Variants in ETV5 observed in about 807,000 individuals in gnomAD.
ETV5 encodes the protein ETS variant transcription factor 5.
ETV5 carries 10 observed loss-of-function variants against 70.0 expected under a neutral mutation model. The observed-to-expected ratio is 0.14, with a 90% CI of 0.09 to 0.24. The LOEUF is 0.24. Ranked by LOEUF, ETV5 falls within the 10% of genes least tolerant of loss-of-function variation. The pLI is 1.00. For missense variants in ETV5, 453 were observed against 651.2 expected, an observed-to-expected ratio of 0.70 and a Z score of 3.31; for synonymous variants, 216 against 242.2, an observed-to-expected ratio of 0.89 and a Z score of 1.01.
intron 5 of ETV5, among the ~76,000 whole-genome samples, chr3:186,091,566 T>A (rs542613275): frequency 2.0e-5 from 3 of 152,268 alleles, no homozygotes; most frequent in South Asian, 2.1e-4. Flanking sequence ...CTGGAACACT[T>A]GGCTTCAGGA....
rs1207846136 is a variant in ETV5 at position 186,052,349 on chromosome 3, G to T, written c.1210-218C>A. 6.6e-6 allele frequency among the ~76,000 whole-genome samples: 1 copy of T among 152,208 alleles called. No individual in the cohort carries two copies. The highest frequency in any genetic ancestry group is 2.4e-5 in the African/African-American group (1 of 41,454). On this transcript the variant is annotated intron_variant, in intron 11 of 12. Coordinates refer to ENST00000306376, the MANE Select transcript of ETV5 (RefSeq NM_004454.3). The surrounding 1 kb of genome is among the most constrained non-coding windows in gnomAD (Gnocchi z 4.5). ...TAGGAGGTGAGACCTAGAGATGGAA[G>T]AATCCTAGCACTTTAAGATTGCAGA...
chr3:186,063,952 C>A (rs1387053179), intron 9 of ETV5, among the ~76,000 whole-genome samples: 3 of 152,168 alleles, frequency 2.0e-5, no homozygotes, highest in Non-Finnish European at 4.4e-5. Flanking sequence ...TCTAAGACAT[C>A]CTTGGACCCT....
chr3:186,086,201 G>GT (rs1312419099), intron 5 of ETV5, among the ~76,000 whole-genome samples: 5 of 152,206 alleles, frequency 3.3e-5, no homozygotes, highest in African/African-American at 4.8e-5. Flanking sequence ...CTGATAAGAT[G>GT]TAATTAAGTC....
chr3:186,068,476 C>T (rs1713507721), intron 7 of ETV5, among the ~76,000 whole-genome samples: 1 of 150,060 alleles, frequency 6.7e-6, no homozygotes, highest in South Asian at 2.1e-4. Flanking sequence ...AATAAATATG[C>T]ACTGTTTTTT....
rs1713842013 is a variant in ETV5 at position 186,078,113 on chromosome 3, C to T, written c.650+1704G>A. 4 of 1,051,620 alleles carry T rather than the reference C, an allele frequency of 3.8e-6. No homozygotes were observed. In the South Asian group the frequency reaches 1.8e-4, roughly 48 times the overall value. 65.1% of individuals were successfully genotyped at this position (1,051,620 alleles called of 1,614,324 possible). On this transcript the variant is annotated intron_variant, in intron 7 of 12. Coordinates refer to ENST00000306376, the MANE Select transcript of ETV5 (RefSeq NM_004454.3). Reference sequence around the variant, plus strand: ...GGGTGGACTGGAGACAGGCTTATTTCACAGCTGAGACTGGGGCTACCCATC... The same window carrying T: ...GGGTGGACTGGAGACAGGCTTATTTTACAGCTGAGACTGGGGCTACCCATC...
At chr3:186,078,412 G>A (rs1463798102) in intron 7 of ETV5, among the ~76,000 whole-genome samples, 1 of 152,010 alleles carries the variant, frequency 6.6e-6, no homozygotes, top group Non-Finnish European at 1.5e-5. Flanking sequence ...AAAAACCATT[G>A]AAATAAAAAT....
intron 7 of ETV5, chr3:186,076,169 G>T (rs1713782061): frequency 4.4e-6 from 1 of 226,860 alleles, no homozygotes; most frequent in African/African-American, 2.2e-5. Context: ...TCCTTGTGGG[G>T]AGGAAATCAC....
In ETV5 at chr3:186,048,783, C is replaced by G. The variant is rs962576898; in HGVS notation, c.1389G>C (p.Gln463His). Reference protein sequence around the residue: ...ALFSMAFPDNQRPFLKAESEC... With the variant: ...ALFSMAFPDNHRPFLKAESEC... The stretch of plus-strand genomic sequence containing the variant: ...CGGACTCTGCCTTCAGGAACGGACG[C>G]TGGTTATCCGGGAAAGCCATGGAGA... Residue 463 changes from glutamine to histidine, a missense_variant, in exon 13 of 13, where the codon CAG becomes CAC. This residue lies in a region of ETV5 where 74 missense variants were observed against 95.2 expected (regional missense o/e 0.78). Coordinates refer to ENST00000306376, the MANE Select transcript of ETV5 (RefSeq NM_004454.3). The G allele has an allele frequency of 6.2e-7, 1 of 1,614,004 alleles. No homozygotes were observed. The highest frequency in any genetic ancestry group is 1.3e-5 in the African/African-American group (1 of 74,898).
In ETV5 at chr3:186,105,483, A is replaced by G; in HGVS notation, c.147T>C (p.Asp49=). The change falls in exon 4 of 13, where the codon GAT becomes GAC. Residue 49 remains aspartate, a synonymous_variant. Coordinates refer to ENST00000306376, the MANE Select transcript of ETV5 (RefSeq NM_004454.3). This position sits in a 1 kb window ranked among gnomAD's most constrained non-coding sequence, Gnocchi z 4.5. ...LAHDSEELFQ[D]LSQLQEAWLA... is the part of the protein sequence containing the mutation. The stretch of plus-strand genomic sequence containing the variant: ...ACCAAGCCTCTTGAAGTTGACTGAG[A>G]TCCTGAAATAGCTCTGAAATTGAAA... 6.2e-7 allele frequency: 1 copy of G among 1,614,188 alleles called. No homozygotes were observed. The highest frequency in any genetic ancestry group is 8.5e-7 in the Non-Finnish European group (1 of 1,180,026).
At chr3:186,100,566 A>G (rs982832826) in intron 5 of ETV5, among the ~76,000 whole-genome samples, 1 of 152,260 alleles carries the variant, frequency 6.6e-6, no homozygotes, top group African/African-American at 2.4e-5. Context: ...AAGGGCTGTC[A>G]TAACAGTTAA....
chr3:186,095,922 G>A (rs565158666), intron 5 of ETV5, among the ~76,000 whole-genome samples: 20 of 152,324 alleles, frequency 1.3e-4, no homozygotes, highest in South Asian at 8.3e-4. Context: ...TGCACCAGGT[G>A]TCCACAGTGC....
rs1553790540 is a variant in ETV5, at chr3:186,109,010, G to GGTCTGGGC, written c.-146_-145insGCCCAGAC. 1 of 153,502 alleles carries GGTCTGGGC rather than the reference G, an allele frequency of 6.5e-6. No individual in the cohort carries two copies. Among genetic ancestry groups the GGTCTGGGC allele is most frequent in the Non-Finnish European group, 1.5e-5 (1 of 68,802 alleles). 9.5% of individuals were successfully genotyped at this position (153,502 alleles called of 1,614,324 possible). A position where few individuals can be genotyped will look rare whatever the true frequency, so the allele number is the denominator to read the frequency against. On this transcript the variant is annotated 5_prime_UTR_variant, in exon 1 of 13. Coordinates refer to ENST00000306376, the MANE Select transcript of ETV5 (RefSeq NM_004454.3). The stretch of plus-strand genomic sequence containing the variant: ...GGCGCGCTCACGCACGCGCGCAGCG[G>GGTCTGGGC]GCCTGGGCGCCTGGGCGAAAGGCTG...
chr3:186,072,504 T>A (rs1234168650), intron 7 of ETV5, among the ~76,000 whole-genome samples: 1 of 152,218 alleles, frequency 6.6e-6, no homozygotes, highest in Admixed American at 6.5e-5. Context: ...TTCTCCTTTT[T>A]CAGAAAGAGA....
At chr3:186,098,364 C>A (rs779253611) in intron 5 of ETV5, among the ~76,000 whole-genome samples, 3 of 152,190 alleles carry the variant, frequency 2.0e-5, no homozygotes, top group Non-Finnish European at 2.9e-5. Context: ...TCCAGACCTT[C>A]CTTCCCATTC....
intron 7 of ETV5, among the ~76,000 whole-genome samples, chr3:186,073,245 G>C (rs141266551): frequency 6.6e-6 from 1 of 152,198 alleles, no homozygotes; most frequent in East Asian, 1.9e-4. Flanking sequence ...CTCAGTTTGC[G>C]ATACCTACAT....
chr3:186,064,206 T>G (rs1713379058), intron 9 of ETV5: 1 of 589,584 alleles, frequency 1.7e-6, no homozygotes, highest in Non-Finnish European at 3.0e-6. Context: ...TAATTGAAGA[T>G]TACAATCAAT....
intron 7 of ETV5, chr3:186,079,240 T>A: frequency 3.4e-6 from 1 of 293,574 alleles, no homozygotes; most frequent in Non-Finnish European, 5.7e-6. Context: ...AATGAATGAC[T>A]CTGGACAAGT....
In ETV5 at chr3:186,047,049, C is replaced by T. The variant is rs138737120; in HGVS notation, c.*1590G>A. The T allele has an allele frequency of 1.3e-3, 306 of 227,990 alleles. 1 individual carries two copies. The East Asian group carries it at 0.016, about 12-fold the overall frequency. The allele number at this position is 227,990 out of a possible 1,614,324, so 14.1% of individuals were successfully genotyped here. On this transcript the variant is annotated 3_prime_UTR_variant, in exon 13 of 13. Coordinates refer to ENST00000306376, the MANE Select transcript of ETV5 (RefSeq NM_004454.3). ...ATGAATAGAAAAGCAGTTCAAAGCA[C>T]GTGTCTCACACTCACGGAGTCAGCA...
chr3:186,048,922 G>A lies in ETV5; in HGVS notation c.1312-62C>T, dbSNP rs79060173. ...AACAGGGCATGGGATCAGGGGAAGAGAACGAGGTATTCCTAAGTCACAAAG... is the reference window on the plus strand; with the variant it reads ...AACAGGGCATGGGATCAGGGGAAGAAAACGAGGTATTCCTAAGTCACAAAG... On this transcript the variant is annotated intron_variant, in intron 12 of 12. Coordinates refer to ENST00000306376, the MANE Select transcript of ETV5 (RefSeq NM_004454.3). 0.17 allele frequency: 239,900 copies of A among 1,378,782 alleles called. 29,258 individuals carry two copies. The highest frequency in any genetic ancestry group is 0.62 in the East Asian group (26,054 of 41,922). The allele number at this position is 1,378,782 out of a possible 1,614,324, so 85.4% of individuals were successfully genotyped here.
Sources: gnomAD v4.1 joint callset for allele counts (sites outside exome capture counted in the v4.1 genomes callset) on GRCh38, gnomAD v4.1.1 for gene constraint, gnomAD v4.1.1 regional missense constraint, Gnocchi (gnomAD v3.1) non-coding constraint, MANE v1.5 for transcripts, NCBI Gene and HGNC (gene_info 2026-07-23, HGNC 2026-07-21) for gene names.